The following IGSF21 variants were observed in gnomAD, a reference collection of about 807,000 sequenced individuals.
The protein encoded by IGSF21 is immunoglobulin superfamily member 21.
A neutral mutation model predicts 46.8 loss-of-function variants in IGSF21; 28 were observed. That is an observed-to-expected ratio of 0.60 (90% CI 0.44 to 0.82). The LOEUF (loss-of-function observed/expected upper bound fraction) is 0.82. Ranked by LOEUF, IGSF21 falls within the 40% of genes least tolerant of loss-of-function variation. The pLI, the probability that IGSF21 is intolerant of heterozygous loss-of-function variation, is 0.00. For missense variants in IGSF21, 624 were observed against 665.5 expected, an observed-to-expected ratio of 0.94 and a Z score of 0.69; for synonymous variants, 284 against 273.6, an observed-to-expected ratio of 1.04 and a Z score of -0.38.
chr1:18,324,211 G>T (rs223225), intron 3 of IGSF21, among the ~76,000 whole-genome samples: 143,200 of 152,312 alleles, frequency 0.94, 67,399 homozygotes, highest in African/African-American at 0.98. Flanking sequence ...GGAATGATTC[G>T]GCCGTGTCTT....
intron 2 of IGSF21, among the ~76,000 whole-genome samples, chr1:18,247,942 C>T (rs2084800555): frequency 6.6e-6 from 1 of 152,134 alleles, no homozygotes; most frequent in African/African-American, 2.4e-5. Context: ...AATGTTAGTT[C>T]CTCCCCCAAA....
Position 18,335,792 on chromosome 1 carries a change from G to T in IGSF21, c.424+782G>T, listed in dbSNP as rs1383090555. On this transcript the variant is annotated intron_variant, in intron 4 of 9. Transcript: ENST00000251296. The surrounding 1 kb of genome is among the most constrained non-coding windows in gnomAD (Gnocchi z 4.8). ...TGAAAGCATAAAGGCCCTGCTGAAA[G>T]CCGCCGCTTCTGGGGAAATTGAAAA... Among the ~76,000 whole-genome samples, 1 of 152,230 alleles carries T rather than the reference G, an allele frequency of 6.6e-6. No homozygotes were observed. The highest frequency in any genetic ancestry group is 1.5e-5 in the Non-Finnish European group (1 of 68,040).
intron 2 of IGSF21, among the ~76,000 whole-genome samples, chr1:18,235,913 T>C (rs1412434547): frequency 6.6e-6 from 1 of 151,890 alleles, no homozygotes; most frequent in African/African-American, 2.4e-5. Context: ...ATGGTGGTAG[T>C]GGAGATGATG....
rs999539808 is a variant in IGSF21 at position 18,157,429 on chromosome 1, T to C, written c.70+49231T>C. On this transcript the variant is annotated intron_variant, in intron 1 of 9. Coordinates refer to ENST00000251296, the MANE Select transcript of IGSF21 (RefSeq NM_032880.5). Reference sequence around the variant, plus strand: ...GCCAATCCCCTCAAGGTCTCGGTCATAGCCACACCATGGCCCTGTGCGTGT... The same window carrying C: ...GCCAATCCCCTCAAGGTCTCGGTCACAGCCACACCATGGCCCTGTGCGTGT... Among the ~76,000 whole-genome samples the C allele has an allele frequency of 8.5e-5, 13 of 152,334 alleles. No homozygotes were observed. In the South Asian group the frequency reaches 1.5e-3, roughly 17 times the overall value.
At chr1:18,202,815 A>C (rs1210208738) in intron 1 of IGSF21, among the ~76,000 whole-genome samples, 1 of 152,196 alleles carries the variant, frequency 6.6e-6, no homozygotes, top group Non-Finnish European at 1.5e-5. Context: ...GGAACCATCA[A>C]AACCTGCTAG....
At chr1:18,309,709 C>T (rs2085463332) in intron 3 of IGSF21, among the ~76,000 whole-genome samples, 1 of 152,188 alleles carries the variant, frequency 6.6e-6, no homozygotes, top group Admixed American at 6.5e-5. Flanking sequence ...TTGCCTCTGC[C>T]CTCTGCCAGT....
intron 4 of IGSF21, among the ~76,000 whole-genome samples, chr1:18,361,028 G>A (rs2086094869): frequency 6.6e-6 from 1 of 152,104 alleles, no homozygotes; most frequent in African/African-American, 2.4e-5. Context: ...TGGGTGAGGA[G>A]AGAAGAGAGG....
chr1:18,318,736 C>T (rs1456418256), intron 3 of IGSF21, among the ~76,000 whole-genome samples: 6 of 152,292 alleles, frequency 3.9e-5, no homozygotes, highest in African/African-American at 9.6e-5. Context: ...AGCCCAGAAT[C>T]GGCCTGTCAA....
At chr1:18,235,155 T>G (rs933079425) in intron 2 of IGSF21, among the ~76,000 whole-genome samples, 18 of 152,192 alleles carry the variant, frequency 1.2e-4, no homozygotes, top group African/African-American at 4.3e-4. Context: ...CTCAGGGCAT[T>G]TGTACTTTTA....
At chr1:18,266,083 G>A (rs770073532) in intron 2 of IGSF21, among the ~76,000 whole-genome samples, 1 of 152,094 alleles carries the variant, frequency 6.6e-6, no homozygotes, top group Non-Finnish European at 1.5e-5. Flanking sequence ...GCAGGCTCTG[G>A]AATAGCAATA....
At chr1:18,220,219 A>G (rs185545452) in intron 1 of IGSF21, among the ~76,000 whole-genome samples, 1 of 152,232 alleles carries the variant, frequency 6.6e-6, no homozygotes, top group Admixed American at 6.5e-5. Context: ...ATATCCTACC[A>G]TCCTGAGTGA....
At chr1:18,359,462 G>GGAA (rs2086074973) in intron 4 of IGSF21, among the ~76,000 whole-genome samples, 1 of 74,834 alleles carries the variant, frequency 1.3e-5, no homozygotes, top group African/African-American at 5.4e-5. Flanking sequence ...AAGAAAGAAA[G>GGAA]GGAAGGAAGG....
intron 6 of IGSF21, among the ~76,000 whole-genome samples, chr1:18,375,453 A>G (rs966907498): frequency 6.6e-6 from 1 of 152,218 alleles, no homozygotes; most frequent in Non-Finnish European, 1.5e-5. Flanking sequence ...GAACAGACCC[A>G]ATGATCCCGA....
intron 2 of IGSF21, among the ~76,000 whole-genome samples, chr1:18,273,386 TTTCCTTTCC>T (rs2085063836): frequency 2.0e-5 from 3 of 147,324 alleles, no homozygotes; most frequent in East Asian, 4.0e-4. Flanking sequence ...TTTCCTTTCC[TTTCCTTTCC>T]TTTCCTTTCC....
chr1:18,223,193 C>T (rs959983227), intron 1 of IGSF21, among the ~76,000 whole-genome samples: 7 of 152,222 alleles, frequency 4.6e-5, no homozygotes, highest in Non-Finnish European at 1.0e-4. Context: ...TGGCCCCAAC[C>T]CCAGGTCTCT....
At chr1:18,318,408 G>A (rs561878527) in intron 3 of IGSF21, among the ~76,000 whole-genome samples, 2 of 152,268 alleles carry the variant, frequency 1.3e-5, no homozygotes, top group African/African-American at 4.8e-5. Flanking sequence ...CTGAGCCACA[G>A]ATCACTTCTG....
chr1:18,180,414 A>T (rs2086845788), intron 1 of IGSF21, among the ~76,000 whole-genome samples: 1 of 152,210 alleles, frequency 6.6e-6, no homozygotes, highest in South Asian at 2.1e-4. Flanking sequence ...GTGAGGAGGT[A>T]TTGGCCTTCT....
intron 3 of IGSF21, among the ~76,000 whole-genome samples, chr1:18,331,260 TC>T (rs1371714205): frequency 6.6e-6 from 1 of 151,860 alleles, no homozygotes; most frequent in East Asian, 1.9e-4. Context: ...TCTCACCCCC[TC>T]CCACCTTTTC....
chr1:18,212,477 G>C (rs1371666399), intron 1 of IGSF21, among the ~76,000 whole-genome samples: 5 of 152,204 alleles, frequency 3.3e-5, no homozygotes, highest in Admixed American at 3.3e-4. Context: ...CCATTGTCCT[G>C]AGAAATAAGC....
Sources: gnomAD v4.1 joint callset for allele counts (sites outside exome capture counted in the v4.1 genomes callset) on GRCh38, gnomAD v4.1.1 for gene constraint, Gnocchi (gnomAD v3.1) non-coding constraint, MANE v1.5 for transcripts, NCBI Gene and HGNC (gene_info 2026-07-23, HGNC 2026-07-21) for gene names.